Variants in DEPTOR observed in about 807,000 individuals in gnomAD.
DEPTOR encodes DEP domain-containing mTOR-interacting protein.
DEPTOR carries 41 observed loss-of-function variants against 41.6 expected under a neutral mutation model. The ratio of observed to expected loss-of-function variants is 0.98; its 90% CI spans 0.77 to 1.28. The LOEUF (loss-of-function observed/expected upper bound fraction) is 1.28, where lower values mean the gene tolerates loss of function less well. DEPTOR is among the 50% of genes most tolerant of loss of function. DEPTOR has a pLI of 0.00. For synonymous variants in DEPTOR, 195 were observed against 192.3 expected, an observed-to-expected ratio of 1.01 and a Z score of -0.12; for missense variants, 514 against 527.9, an observed-to-expected ratio of 0.97 and a Z score of 0.26.
At chr8:119,964,065 C>T (rs73705852) in intron 3 of DEPTOR, among the ~76,000 whole-genome samples, 5,451 of 152,166 alleles carry the variant, frequency 0.036, 106 homozygotes, top group African/African-American at 0.052. Flanking sequence ...TCTCACGTGG[C>T]AAGAGCAGAG....
At chr8:120,013,840 C>CTT (rs35599330) in intron 8 of DEPTOR, among the ~76,000 whole-genome samples, 1 of 129,860 alleles carries the variant, frequency 7.7e-6, no homozygotes, top group African/African-American at 2.8e-5. Flanking sequence ...GCTATGACTA[C>CTT]TTTTTTTTTT....
chr8:119,924,120 A>G (rs914780677), intron 1 of DEPTOR, among the ~76,000 whole-genome samples: 3 of 151,944 alleles, frequency 2.0e-5, no homozygotes, highest in African/African-American at 7.3e-5. Context: ...TATTTGTTCC[A>G]TTGTTTTACA....
chr8:119,932,396 T>C (rs1828056427), intron 3 of DEPTOR, among the ~76,000 whole-genome samples: 1 of 147,268 alleles, frequency 6.8e-6, no homozygotes, highest in Non-Finnish European at 1.5e-5. Context: ...CTTAATGGGA[T>C]AGTTATGATG....
At chr8:119,970,890 C>T (rs1828622901) in intron 4 of DEPTOR, among the ~76,000 whole-genome samples, 2 of 152,092 alleles carry the variant, frequency 1.3e-5, no homozygotes, top group Non-Finnish European at 2.9e-5. Flanking sequence ...CACCGGGGAG[C>T]CCTCGGAGGG....
chr8:119,957,300 CTG>C (rs1175425208), intron 3 of DEPTOR, among the ~76,000 whole-genome samples: 1 of 152,164 alleles, frequency 6.6e-6, no homozygotes, highest in Non-Finnish European at 1.5e-5. Flanking sequence ...TAGGAAAAAA[CTG>C]TGAACCACAT....
chr8:119,985,116 T>C (rs1828813163), intron 4 of DEPTOR, among the ~76,000 whole-genome samples: 1 of 152,182 alleles, frequency 6.6e-6, no homozygotes, highest in Non-Finnish European at 1.5e-5. Flanking sequence ...GAGGTTGCAG[T>C]GAGCCAAGAT....
At chr8:119,911,589 A>T (rs1482740200) in intron 1 of DEPTOR, among the ~76,000 whole-genome samples, 3 of 152,154 alleles carry the variant, frequency 2.0e-5, no homozygotes, top group African/African-American at 7.2e-5. Context: ...AAGTGCTAGG[A>T]TTACAGGCCT....
chr8:119,887,029 G>A (rs1167819863), intron 1 of DEPTOR, among the ~76,000 whole-genome samples: 2 of 151,096 alleles, frequency 1.3e-5, no homozygotes, highest in Non-Finnish European at 2.9e-5. Flanking sequence ...TGTACTAAGT[G>A]GAATTCATGA....
chr8:119,994,431 T>C (rs1017635196), intron 4 of DEPTOR, among the ~76,000 whole-genome samples: 1 of 152,236 alleles, frequency 6.6e-6, no homozygotes, highest in Non-Finnish European at 1.5e-5. Context: ...TTGACTTTCA[T>C]AATCTAGTTA....
intron 1 of DEPTOR, among the ~76,000 whole-genome samples, chr8:119,927,879 T>C (rs1827982866): frequency 6.6e-6 from 1 of 151,982 alleles, no homozygotes; most frequent in South Asian, 2.1e-4. Flanking sequence ...AGTGCTGGGA[T>C]TACAGATATG....
chr8:119,967,579 C>T (rs1276900118), intron 4 of DEPTOR, among the ~76,000 whole-genome samples: 2 of 150,964 alleles, frequency 1.3e-5, no homozygotes, highest in African/African-American at 2.4e-5. Flanking sequence ...ATGGTGAAAC[C>T]CCATCTCTAC....
chr8:120,000,898 T>C (rs1349201980), intron 4 of DEPTOR, among the ~76,000 whole-genome samples: 5 of 151,540 alleles, frequency 3.3e-5, no homozygotes, highest in Non-Finnish European at 7.4e-5. Flanking sequence ...GCCAACATGG[T>C]GCAACCCCGT....
intron 8 of DEPTOR, among the ~76,000 whole-genome samples, chr8:120,022,033 T>C (rs1318803018): frequency 6.6e-6 from 1 of 151,808 alleles, no homozygotes; most frequent in Non-Finnish European, 1.5e-5. Flanking sequence ...TACTGGCACG[T>C]AGTAGTCCCA....
intron 4 of DEPTOR, among the ~76,000 whole-genome samples, chr8:119,985,493 C>G (rs1828817157): frequency 6.6e-6 from 1 of 152,156 alleles, no homozygotes. Flanking sequence ...TTCACCCATT[C>G]TGTAGGTTGC....
At chr8:120,040,995 A>G (rs1175691084) in intron 8 of DEPTOR, among the ~76,000 whole-genome samples, 1 of 152,160 alleles carries the variant, frequency 6.6e-6, no homozygotes, top group East Asian at 1.9e-4. Flanking sequence ...TGTGTATCTT[A>G]TCATTCTTTT....
intron 4 of DEPTOR, among the ~76,000 whole-genome samples, chr8:119,979,419 G>A (rs1762025288): frequency 6.6e-6 from 1 of 151,744 alleles, no homozygotes; most frequent in Admixed American, 6.6e-5. Context: ...TGGGACTATG[G>A]GCGTGGCTAA....
chr8:119,880,147 A>AAAATG (rs1017656042), intron 1 of DEPTOR, among the ~76,000 whole-genome samples: 4 of 130,354 alleles, frequency 3.1e-5, no homozygotes, highest in African/African-American at 9.9e-5. Context: ...GTCTCAAAAT[A>AAAATG]AAATAAAATA....
chr8:119,932,524 T>C (rs1828058390), intron 3 of DEPTOR, among the ~76,000 whole-genome samples: 1 of 152,326 alleles, frequency 6.6e-6, no homozygotes, highest in South Asian at 2.1e-4. Flanking sequence ...GCACTGTGTA[T>C]CTCTGAGCAT....
At chr8:119,957,384 C>G (rs1828430856) in intron 3 of DEPTOR, among the ~76,000 whole-genome samples, 1 of 152,076 alleles carries the variant, frequency 6.6e-6, no homozygotes, top group Non-Finnish European at 1.5e-5. Context: ...CGAGAGGGAC[C>G]TTAGAAATGG....
Sources: gnomAD v4.1 joint callset for allele counts (sites outside exome capture counted in the v4.1 genomes callset) on GRCh38, gnomAD v4.1.1 for gene constraint, MANE v1.5 for transcripts, NCBI Gene and HGNC (gene_info 2026-07-23, HGNC 2026-07-21) for gene names.